The following DAB2IP variants were observed in gnomAD, a reference collection of about 807,000 sequenced individuals.
The protein encoded by DAB2IP is disabled homolog 2-interacting protein.
Under a neutral mutation model 107.2 loss-of-function variants are expected in DAB2IP, and 28 were observed. The observed-to-expected ratio is 0.26, with a 90% CI of 0.19 to 0.36. The LOEUF (loss-of-function observed/expected upper bound fraction) is 0.36. Among genes scored for constraint, DAB2IP ranks in the 10% least tolerant of loss-of-function variants. DAB2IP has a pLI of 1.00. For synonymous variants in DAB2IP, 755 were observed against 706.4 expected (o/e 1.07, Z -1.09); for missense variants, 1,400 against 1,644.7 (o/e 0.85, Z 2.57).
exon 16 of DAB2IP, chr9:121,783,418 C>T (rs572708694): frequency 6.2e-7 from 1 of 1,601,686 alleles, no homozygotes; most frequent in South Asian, 1.1e-5. Flanking sequence ...GGGAGTGCCA[C>T]CTGGTGCTCA....
rs147384857 is a variant in DAB2IP at position 121,684,068 on chromosome 9, G to C, written c.228+5287G>C. Reference sequence around the variant, plus strand: ...TGAGCTGTGGACCTCAGGTTTTCCAGCTGCTCACCCCTTTTCTCACTCCTG... The same window carrying C: ...TGAGCTGTGGACCTCAGGTTTTCCACCTGCTCACCCCTTTTCTCACTCCTG... On this transcript the variant is annotated intron_variant, in intron 2 of 15. Coordinates refer to ENST00000408936, the Ensembl canonical transcript of DAB2IP. The surrounding 1 kb of genome is among the most constrained non-coding windows in gnomAD (Gnocchi z 4.0). Among the ~76,000 whole-genome samples the C allele has an allele frequency of 6.6e-5, 10 of 152,244 alleles. No homozygotes were observed. The highest frequency in any genetic ancestry group is 1.3e-4 in the Non-Finnish European group (9 of 68,014).
At chr9:121,783,445 G>A in exon 16 of DAB2IP, 1 of 1,611,878 alleles carries the variant, frequency 6.2e-7, no homozygotes, top group South Asian at 1.1e-5. Context: ...AAGAAAAGGT[G>A]ATCCTTCCTC....
intron 4 of DAB2IP, 93 bp from the exon 5 acceptor site, chr9:121,758,805 A>C: frequency 2.7e-6 from 3 of 1,110,878 alleles, no homozygotes; most frequent in Non-Finnish European, 4.0e-6. Context: ...CCTGATGGCC[A>C]GAGTCCCCTG....
chr9:121,642,029 C>CTCTCTCTCTCTGTCTTTCTTTCTTTCTT (rs1392950950), intron 1 of DAB2IP, among the ~76,000 whole-genome samples: 1 of 26,720 alleles, frequency 3.7e-5, no homozygotes, highest in South Asian at 1.5e-3. Context: ...CTCTCTCTCT[C>CTCTCTCTCTCTGTCTTTCTTTCTTTCTT]TCTTTCTTTC....
chr9:121,619,951 A>G (rs916338835), intron 1 of DAB2IP, among the ~76,000 whole-genome samples: 9 of 152,214 alleles, frequency 5.9e-5, no homozygotes, highest in African/African-American at 2.2e-4. Flanking sequence ...TTAAACTGGG[A>G]TACAACATTG....
intron 1 of DAB2IP, among the ~76,000 whole-genome samples, chr9:121,572,701 C>T (rs946182776): frequency 2.6e-5 from 4 of 152,036 alleles, no homozygotes; most frequent in South Asian, 2.1e-4. Flanking sequence ...GTTTTTCAGG[C>T]GGTCTTGGAG....
chr9:121,742,063 T>A (rs1832388975), intron 3 of DAB2IP, among the ~76,000 whole-genome samples: 1 of 152,116 alleles, frequency 6.6e-6, no homozygotes, highest in African/African-American at 2.4e-5. Context: ...GGGTGCTAAA[T>A]CCTTGAATGA....
In DAB2IP at chr9:121,760,555, A is replaced by G; in HGVS notation, c.1170+116A>G. On this transcript the variant is annotated intron_variant, in intron 6 of 15. Coordinates refer to ENST00000408936, the Ensembl canonical transcript of DAB2IP. The surrounding 1 kb of genome is among the most constrained non-coding windows in gnomAD (Gnocchi z 5.9). The stretch of plus-strand genomic sequence containing the variant: ...AGAGGCCTTGGAGGCACCGGTCACT[A>G]CCAGAAGGGCTCCCTAAACCCAAAA... The G allele has an allele frequency of 7.7e-7, 1 of 1,299,262 alleles. No homozygotes were observed. The highest frequency in any genetic ancestry group is 1.6e-5 in the South Asian group (1 of 63,846). 80.5% of individuals were successfully genotyped at this position (1,299,262 alleles called of 1,614,324 possible).
At chr9:121,730,505 C>T (rs1014121502) in intron 3 of DAB2IP, among the ~76,000 whole-genome samples, 2 of 152,158 alleles carry the variant, frequency 1.3e-5, no homozygotes, top group Admixed American at 6.5e-5. Context: ...TCTCCTTTTT[C>T]GCCCAGCAGG....
chr9:121,730,266 G>A (rs942286900), intron 3 of DAB2IP, among the ~76,000 whole-genome samples: 1 of 152,176 alleles, frequency 6.6e-6, no homozygotes, highest in African/African-American at 2.4e-5. Flanking sequence ...AGGGACATGG[G>A]AAACCTATTC....
chr9:121,772,784 G>A lies in DAB2IP; in HGVS notation c.2256G>A (p.Gln752=), dbSNP rs772301010. 2 of 1,613,354 alleles carry A rather than the reference G, an allele frequency of 1.2e-6. No individual in the cohort carries two copies. The highest frequency in any genetic ancestry group is 1.7e-6 in the Non-Finnish European group (2 of 1,179,908). The change falls in exon 12 of 16, where the codon CAG becomes CAA. Residue 752 remains glutamine (Q), a synonymous_variant. Coordinates refer to ENST00000408936, the Ensembl canonical transcript of DAB2IP. The surrounding 1 kb of genome is among the most constrained non-coding windows in gnomAD (Gnocchi z 4.7). ...AGAGCCTCTCCATGGTGGACCTCCA[G>A]GACGCCCGCACGCTGGATGGGGAGG...
In DAB2IP at chr9:121,770,541, T is replaced by C. The variant is rs1834644109; in HGVS notation, c.1900-5T>C. Reference sequence around the variant, plus strand: ...TCACACCTGCCTCTTGCTGTGCCTTTACAGAGCATAGTATCCAAACTGGGA... The same window carrying C: ...TCACACCTGCCTCTTGCTGTGCCTTCACAGAGCATAGTATCCAAACTGGGA... On this transcript the variant is annotated splice_region_variant and splice_polypyrimidine_tract_variant and intron_variant, in intron 10 of 15. Coordinates refer to ENST00000408936, the Ensembl canonical transcript of DAB2IP. 6.2e-7 allele frequency: 1 copy of C among 1,612,970 alleles called. No individual in the cohort carries two copies. Among genetic ancestry groups the C allele is most frequent in the African/African-American group, 1.3e-5 (1 of 74,892 alleles).
intron 1 of DAB2IP, among the ~76,000 whole-genome samples, chr9:121,587,099 T>C (rs1056067596): frequency 1.3e-5 from 2 of 152,138 alleles, no homozygotes; most frequent in African/African-American, 4.8e-5. Context: ...AAAAAGACAA[T>C]ATTGTGCCCA....
In DAB2IP at chr9:121,678,741, C is replaced by T. The variant is rs367691446; in HGVS notation, c.188C>T (p.Pro63Leu). ...CCTGGCAGCCTTTCCGAGAAGAGCC[C>T]CAGCATGGAGCCCTCGGCCGCCACG... Residue 63 changes from proline to leucine, a missense_variant, in exon 2 of 16, where the codon CCC (proline) becomes CTC (leucine). Transcript: ENST00000408936. 134 of 1,599,912 alleles carry T rather than the reference C, an allele frequency of 8.4e-5. No individual in the cohort carries two copies. In the African/African-American group the frequency reaches 1.6e-3, roughly 20 times the overall value.
intron 2 of DAB2IP, among the ~76,000 whole-genome samples, chr9:121,681,985 C>T (rs1469856026): frequency 7.2e-5 from 11 of 152,232 alleles, no homozygotes; most frequent in Non-Finnish European, 1.2e-4. Context: ...ACATCCAAAT[C>T]GGGTTTCCAT....
rs1387457175 is a variant in DAB2IP, at chr9:121,589,632, T to TC, written c.40+22409dup. ...CCTGATGACATTGTTACCTGTCTCT[T>TC]CCCCCTGCATCTGTGTCTCCAGCAC... On this transcript the variant is annotated intron_variant, in intron 1 of 16. Transcript: ENST00000259371. Among the ~76,000 whole-genome samples the TC allele has an allele frequency of 2.0e-5, 3 of 152,108 alleles. No homozygotes were observed. The East Asian group carries it at 5.8e-4, about 29-fold the overall frequency.
chr9:121,683,601 G>A (rs545179838), intron 2 of DAB2IP, among the ~76,000 whole-genome samples: 3 of 152,360 alleles, frequency 2.0e-5, no homozygotes, highest in Admixed American at 1.3e-4. Context: ...AGGCCCAGGG[G>A]TCTGGCAGAA....
chr9:121,766,529 C>T (rs200497980), exon 9 of DAB2IP: 28 of 1,610,970 alleles, frequency 1.7e-5, no homozygotes, highest in African/African-American at 6.7e-5. Context: ...GTGTTTGCCT[C>T]GTGGAGGCAG....
chr9:121,588,506 C>A (rs2118922182), intron 1 of DAB2IP, among the ~76,000 whole-genome samples: 1 of 143,422 alleles, frequency 7.0e-6, no homozygotes, highest in South Asian at 2.2e-4. Flanking sequence ...CTCTCTGGCT[C>A]AACACCTGTG....
Sources: allele counts gnomAD v4.1 joint callset (sites outside exome capture counted in the v4.1 genomes callset), GRCh38; gene constraint gnomAD v4.1.1; non-coding constraint Gnocchi (gnomAD v3.1); transcripts MANE v1.5; gene names NCBI Gene and HGNC (gene_info 2026-07-23, HGNC 2026-07-21).